Variants in COL4A6 observed in about 807,000 individuals in gnomAD.
COL4A6 encodes the protein collagen alpha-6(IV) chain.
Under a neutral mutation model 126.7 loss-of-function variants are expected in COL4A6, and 59 were observed. That is an observed-to-expected ratio of 0.47 (90% CI 0.38 to 0.58). The LOEUF is 0.58. Ranked by LOEUF, COL4A6 falls within the 20% of genes least tolerant of loss-of-function variation. COL4A6 has a pLI of 0.00. For missense variants in COL4A6, 1,285 were observed against 1,337.3 expected (o/e 0.96, Z 0.61); for synonymous variants, 547 against 496.6 (o/e 1.10, Z -1.35).
intron 2 of COL4A6, among the ~76,000 whole-genome samples, chrX:108,313,951 TG>T (rs1157145683): frequency 9.0e-6 from 1 of 111,457 alleles, no homozygotes. Flanking sequence ...TGATCGTGGG[TG>T]GGGGGCAGGA....
chrX:108,402,838 T>C (rs1462614985), intron 2 of COL4A6, among the ~76,000 whole-genome samples: 2 of 111,283 alleles, frequency 1.8e-5, no homozygotes, highest in Non-Finnish European at 3.8e-5. Context: ...TCTGTTGTAA[T>C]TTGCTTTAGG....
At chrX:108,173,560 C>T (rs1235986055) in intron 31 of COL4A6, among the ~76,000 whole-genome samples, 1 of 109,944 alleles carries the variant, frequency 9.1e-6, no homozygotes, top group Non-Finnish European at 1.9e-5. Flanking sequence ...AGGGACTTTG[C>T]CTGCAAGGAG....
rs1182419794 is a variant in COL4A6 at position 108,213,176 on chromosome X, G to A, written c.441+936C>T. 2.7e-5 allele frequency among the ~76,000 whole-genome samples: 3 copies of A among 112,151 alleles called. No individual in the cohort carries two copies. In the East Asian group the frequency reaches 8.4e-4, roughly 31 times the overall value. On this transcript the variant is annotated intron_variant, in intron 6 of 44. Coordinates refer to ENST00000334504, the MANE Select transcript of COL4A6 (RefSeq NM_033641.4). ...CAACCTGGTCACTGAAGGTGGTGGTGCTGCTCTTCCAATGAAGTGTCAATT... is the reference window on the plus strand; with the variant it reads ...CAACCTGGTCACTGAAGGTGGTGGTACTGCTCTTCCAATGAAGTGTCAATT...
chrX:108,179,039 T>G (rs1721980174), intron 26 of COL4A6, among the ~76,000 whole-genome samples, 178 bp downstream of exon 26: 3 of 112,203 alleles, frequency 2.7e-5, no homozygotes, highest in Non-Finnish European at 3.8e-5. Flanking sequence ...ACTAAGACAG[T>G]AAAGTCGACT....
chrX:108,269,118 C>T (rs777628472), intron 3 of COL4A6: 43 of 336,665 alleles, frequency 1.3e-4, no homozygotes, highest in Non-Finnish European at 1.7e-4. Context: ...ATGGTAGAGC[C>T]GGCCAGCCAT....
At chrX:108,343,161 ATATAGTGTGTGTGTGTGTGTGT>A (rs1432771986) in intron 2 of COL4A6, among the ~76,000 whole-genome samples, 3 of 55,606 alleles carry the variant, frequency 5.4e-5, no homozygotes, top group East Asian at 1.5e-3. Flanking sequence ...ATATATATAT[ATATAGTGTGTGTGTGTGTGTGT>A]GTGTGTGTGT....
At chrX:108,367,841 A>ATAT (rs1179818447) in intron 2 of COL4A6, among the ~76,000 whole-genome samples, 2 of 111,606 alleles carry the variant, frequency 1.8e-5, no homozygotes, top group African/African-American at 6.5e-5. Context: ...CATCCTTCGG[A>ATAT]TATTAGCTGG....
At chrX:108,253,389 G>A (rs937559507) in intron 3 of COL4A6, among the ~76,000 whole-genome samples, 17 of 111,660 alleles carry the variant, frequency 1.5e-4, no homozygotes, top group Non-Finnish European at 2.8e-4. Context: ...CATCAACAAA[G>A]GAAATAATCA....
At chrX:108,212,150 T>C (rs778925049) in intron 6 of COL4A6, among the ~76,000 whole-genome samples, 1 of 110,497 alleles carries the variant, frequency 9.1e-6, no homozygotes, top group Admixed American at 9.7e-5. Context: ...AAGAACCAGA[T>C]AGTAAATAAT....
chrX:108,436,578 C>A (rs766482101), intron 2 of COL4A6, among the ~76,000 whole-genome samples: 4 of 109,120 alleles, frequency 3.7e-5, no homozygotes, highest in Non-Finnish European at 7.5e-5. Flanking sequence ...CAAATCTTGG[C>A]ATTTTCAATT....
At chrX:108,265,692 G>C (rs762528533) in intron 3 of COL4A6, among the ~76,000 whole-genome samples, 1 of 110,826 alleles carries the variant, frequency 9.0e-6, no homozygotes, top group South Asian at 3.8e-4. Flanking sequence ...GTGTGTTCAA[G>C]GTCCAGAGGA....
At chrX:108,383,547 CAA>C (rs774772844) in intron 2 of COL4A6, 4 of 458,308 alleles carry the variant, frequency 8.7e-6, no homozygotes, top group South Asian at 3.3e-5. Context: ...TAGAACAGAA[CAA>C]AGAGATGTAA....
chrX:108,432,839 C>CA (rs199975175), intron 2 of COL4A6, among the ~76,000 whole-genome samples: 1,564 of 107,563 alleles, frequency 0.015, 21 homozygotes, highest in African/African-American at 0.05. Context: ...CTGTCTCAAA[C>CA]AAAAAAACAA....
chrX:108,214,485 G>A (rs986865987), intron 5 of COL4A6, among the ~76,000 whole-genome samples: 5 of 112,100 alleles, frequency 4.5e-5, no homozygotes, highest in East Asian at 2.8e-4. Flanking sequence ...AGCATGAACA[G>A]ATGGGATACA....
At chrX:108,253,658 T>C (rs1461968355) in intron 3 of COL4A6, among the ~76,000 whole-genome samples, 1 of 111,668 alleles carries the variant, frequency 9.0e-6, no homozygotes, top group African/African-American at 3.2e-5. Flanking sequence ...TAGGTACTGA[T>C]ACCACTTGGT....
At chrX:108,438,075 G>T in intron 1 of COL4A6, 82 bp from the exon 2 acceptor site, 1 of 1,198,837 alleles carries the variant, frequency 8.3e-7, no homozygotes, top group Non-Finnish European at 1.1e-6. Flanking sequence ...AACCCTTTTG[G>T]ATGCCTGCTC....
At chrX:108,221,443 G>A (rs186721769) in intron 3 of COL4A6, 69 bp from the exon 4 acceptor site, 91 of 1,086,400 alleles carry the variant, frequency 8.4e-5, no homozygotes, top group Non-Finnish European at 1.1e-4. Context: ...ATTTTCCCAC[G>A]CACAAAGAGC....
chrX:108,171,815 G>C (rs2034315654), intron 32 of COL4A6, among the ~76,000 whole-genome samples: 1 of 111,947 alleles, frequency 8.9e-6, no homozygotes, highest in Admixed American at 9.4e-5. Context: ...GGTTTATCAG[G>C]GGAAGAGACT....
intron 2 of COL4A6, among the ~76,000 whole-genome samples, chrX:108,403,264 C>CTCTG: frequency 9.6e-6 from 1 of 104,301 alleles, no homozygotes; most frequent in Admixed American, 1.1e-4. Flanking sequence ...CTCTCTCTCT[C>CTCTG]TCTCTCTCTC....
Sources: gnomAD v4.1 joint callset for allele counts (sites outside exome capture counted in the v4.1 genomes callset) on GRCh38, gnomAD v4.1.1 for gene constraint, MANE v1.5 for transcripts, NCBI Gene and HGNC (gene_info 2026-07-23, HGNC 2026-07-21) for gene names.